The following MARCHF1 variants were observed in gnomAD, a reference collection of about 807,000 sequenced individuals.
MARCHF1 encodes membrane associated ring-CH-type finger 1.
Under a neutral mutation model 54.2 loss-of-function variants are expected in MARCHF1, and 40 were observed. The observed-to-expected ratio is 0.74, with a 90% CI of 0.57 to 0.96. MARCHF1 has a LOEUF of 0.96. MARCHF1 is among the 40% of genes least tolerant of loss of function. The probability of loss-of-function intolerance (pLI) is 0.00; values close to 1 mark genes in which losing one functional copy is unlikely to be tolerated. For missense variants in MARCHF1, 586 were observed against 656.5 expected, an observed-to-expected ratio of 0.89 and a Z score of 1.17; for synonymous variants, 236 against 236.3, an observed-to-expected ratio of 1.00 and a Z score of 0.01.
chr4:163,763,690 T>C (rs753898063), intron 4 of MARCHF1, among the ~76,000 whole-genome samples: 8 of 152,064 alleles, frequency 5.3e-5, no homozygotes, highest in Non-Finnish European at 7.4e-5. Context: ...TAGTATCTTG[T>C]TTGGAAATGT....
At chr4:163,673,364 AC>A (rs1228370224) in intron 5 of MARCHF1, among the ~76,000 whole-genome samples, 1 of 152,202 alleles carries the variant, frequency 6.6e-6, no homozygotes, top group Non-Finnish European at 1.5e-5. Context: ...TTAATGTTAA[AC>A]AGTTTGGAAT....
At chr4:163,979,824 T>G (rs1487269397) in intron 3 of MARCHF1, among the ~76,000 whole-genome samples, 1 of 152,162 alleles carries the variant, frequency 6.6e-6, no homozygotes, top group African/African-American at 2.4e-5. Flanking sequence ...TGTCTTCTTT[T>G]GAGAAGTGTC....
rs529367451 is a variant in MARCHF1, at chr4:163,823,429, C to A, written c.111+30592G>T. Among the ~76,000 whole-genome samples, 16 of 151,896 alleles carry A rather than the reference C, an allele frequency of 1.1e-4. No homozygotes were observed. In the South Asian group the frequency reaches 2.7e-3, roughly 26 times the overall value. ...CTAATAAACTGTGATCAAATCTAAT[C>A]AACTCTAAATACCTTGCCTTGTCCA... On this transcript the variant is annotated intron_variant, in intron 4 of 9. Transcript: ENST00000514618.
At chr4:164,039,769 C>T (rs1178280502) in intron 2 of MARCHF1, among the ~76,000 whole-genome samples, 2 of 151,718 alleles carry the variant, frequency 1.3e-5, no homozygotes, top group African/African-American at 2.4e-5. Flanking sequence ...ATGAATACTT[C>T]GAGAATTCTT....
chr4:164,211,278 GTATATA>G (rs10548085), intron 1 of MARCHF1, among the ~76,000 whole-genome samples: 2 of 145,856 alleles, frequency 1.4e-5, no homozygotes, highest in Admixed American at 6.8e-5. Context: ...TAATCTTTAT[GTATATA>G]TATATATATA....
chr4:163,671,192 T>G (rs985024972), intron 5 of MARCHF1, among the ~76,000 whole-genome samples: 5 of 152,206 alleles, frequency 3.3e-5, no homozygotes, highest in African/African-American at 1.2e-4. Flanking sequence ...CTATCACTAT[T>G]TATTGTTACA....
intron 2 of MARCHF1, among the ~76,000 whole-genome samples, chr4:164,006,832 A>T (rs1238108111): frequency 6.6e-6 from 1 of 151,914 alleles, no homozygotes; most frequent in Non-Finnish European, 1.5e-5. Flanking sequence ...GTAGTAGACA[A>T]AGAAAAAGAA....
chr4:163,953,529 T>C (rs1752174531), intron 3 of MARCHF1, among the ~76,000 whole-genome samples: 1 of 152,172 alleles, frequency 6.6e-6, no homozygotes, highest in Non-Finnish European at 1.5e-5. Context: ...GTTTTTCTTC[T>C]CAGATCTACG....
intron 1 of MARCHF1, among the ~76,000 whole-genome samples, chr4:164,296,826 CT>C (rs1734423544): frequency 1.3e-5 from 2 of 152,080 alleles, no homozygotes; most frequent in African/African-American, 4.8e-5. Flanking sequence ...AAACATGCAC[CT>C]TTTAATTAAG....
At chr4:163,799,622 C>T (rs994776226) in intron 4 of MARCHF1, among the ~76,000 whole-genome samples, 1 of 152,046 alleles carries the variant, frequency 6.6e-6, no homozygotes, top group Non-Finnish European at 1.5e-5. Context: ...AAGTTAATTC[C>T]TTCAAAACAT....
chr4:163,673,559 A>T (rs1239473286), intron 5 of MARCHF1, among the ~76,000 whole-genome samples: 1 of 152,152 alleles, frequency 6.6e-6, no homozygotes, highest in Non-Finnish European at 1.5e-5. Flanking sequence ...TTTTTATATT[A>T]ACCCTAAAAT....
At chr4:164,188,094 T>C (rs1472804197) in intron 1 of MARCHF1, among the ~76,000 whole-genome samples, 1 of 152,188 alleles carries the variant, frequency 6.6e-6, no homozygotes, top group African/African-American at 2.4e-5. Flanking sequence ...CAATTAAAAC[T>C]CGAAAGCCGA....
intron 3 of MARCHF1, among the ~76,000 whole-genome samples, chr4:163,918,222 C>T (rs922501895): frequency 2.6e-5 from 4 of 151,964 alleles, no homozygotes; most frequent in African/African-American, 7.2e-5. Context: ...ATCTTATTTC[C>T]GAGCTCTGTA....
At chr4:164,294,968 T>C (rs1231034741) in intron 1 of MARCHF1, among the ~76,000 whole-genome samples, 1 of 152,054 alleles carries the variant, frequency 6.6e-6, no homozygotes, top group Non-Finnish European at 1.5e-5. Flanking sequence ...CTACCTAGGG[T>C]CTCTGGCTGG....
chr4:163,827,522 GCTT>G (rs1748888210), intron 4 of MARCHF1, among the ~76,000 whole-genome samples: 2 of 152,028 alleles, frequency 1.3e-5, no homozygotes, highest in Non-Finnish European at 2.9e-5. Flanking sequence ...TTAGTGTATT[GCTT>G]CTAAGATTGA....
intron 2 of MARCHF1, among the ~76,000 whole-genome samples, chr4:164,081,204 T>A: frequency 1.2e-4 from 1 of 8,536 alleles, no homozygotes; most frequent in South Asian, 4.6e-3. Context: ...CCAGACGCTG[T>A]CTCAAAAAAA....
At chr4:164,285,819 TAAAAAAAAAA>T (rs78385104) in intron 1 of MARCHF1, among the ~76,000 whole-genome samples, 2 of 95,852 alleles carry the variant, frequency 2.1e-5, no homozygotes, top group East Asian at 3.2e-4. Context: ...TGTAGTTCTT[TAAAAAAAAAA>T]AAAAAAAAAA....
chr4:164,262,550 A>G (rs1322622826), intron 1 of MARCHF1, among the ~76,000 whole-genome samples: 1 of 152,194 alleles, frequency 6.6e-6, no homozygotes, highest in Non-Finnish European at 1.5e-5. Context: ...AGGAACATCT[A>G]GTCCTCAATT....
Position 164,138,476 on chromosome 4 carries a change from A to G in MARCHF1, c.-322-26814T>C, listed in dbSNP as rs1456751031. On this transcript the variant is annotated intron_variant, in intron 1 of 9. Transcript: ENST00000514618. ...TTGGAGTTTGAGATCACTTCCAAGAAGTAGGGCCTGGACTTTGAGATATAG... is the reference window on the plus strand; with the variant it reads ...TTGGAGTTTGAGATCACTTCCAAGAGGTAGGGCCTGGACTTTGAGATATAG... Among the ~76,000 whole-genome samples the G allele has an allele frequency of 3.3e-5, 5 of 152,298 alleles. No individual in the cohort carries two copies. The South Asian group carries it at 8.3e-4, about 25-fold the overall frequency.
Sources: allele counts gnomAD v4.1 joint callset (sites outside exome capture counted in the v4.1 genomes callset), GRCh38; gene constraint gnomAD v4.1.1; transcripts MANE v1.5; gene names NCBI Gene and HGNC (gene_info 2026-07-23, HGNC 2026-07-21).